STX18: variants seen among roughly 807,000 people sequenced by gnomAD.
STX18 encodes the protein syntaxin 18, also known as syntaxin-18.
A neutral mutation model predicts 50.1 loss-of-function variants in STX18; 40 were observed. The observed-to-expected ratio is 0.80, with a 90% CI of 0.62 to 1.04. The LOEUF is 1.04. Ranked by LOEUF, STX18 falls within the 50% of genes least tolerant of loss-of-function variation. The pLI, the probability that STX18 is intolerant of heterozygous loss-of-function variation, is 0.00. For synonymous variants in STX18, 158 were observed against 151.8 expected, an observed-to-expected ratio of 1.04 and a Z score of -0.30; for missense variants, 410 against 415.8, an observed-to-expected ratio of 0.99 and a Z score of 0.12.
rs766154196 is a variant in STX18, at chr4:4,420,964, T to C, written c.832-20A>G. On this transcript the variant is annotated intron_variant, in intron 9 of 10. Transcript: ENST00000306200. The surrounding 1 kb of genome is among the most constrained non-coding windows in gnomAD (Gnocchi z 4.3). ...AGCTTCCTGTGGAAGAAAAGATAAA[T>C]ACAAGTTGAGTATCCTTTATCCAAA... The C allele has an allele frequency of 5.0e-6, 8 of 1,612,354 alleles. No homozygotes were observed. Among genetic ancestry groups the C allele is most frequent in the South Asian group, 2.2e-5 (2 of 91,044 alleles).
chr4:4,459,673 A>C (rs1463070954), intron 2 of STX18, among the ~76,000 whole-genome samples, 186 bp from the exon 3 acceptor site: 1 of 152,176 alleles, frequency 6.6e-6, no homozygotes, highest in African/African-American at 2.4e-5. Flanking sequence ...AACACATATG[A>C]AGGGTGTGTG....
intron 5 of STX18, among the ~76,000 whole-genome samples, chr4:4,449,679 A>G (rs1199663480): frequency 6.6e-6 from 1 of 152,206 alleles, no homozygotes; most frequent in African/African-American, 2.4e-5. Flanking sequence ...GGTGACTGCT[A>G]GGCTTCCCCA....
chr4:4,509,120 T>C (rs1729875245), intron 1 of STX18, among the ~76,000 whole-genome samples: 1 of 152,176 alleles, frequency 6.6e-6, no homozygotes, highest in African/African-American at 2.4e-5. Context: ...CTGCCTCTAG[T>C]TATTTGAAGA....
intron 7 of STX18, among the ~76,000 whole-genome samples, chr4:4,429,961 A>C (rs1039386332): frequency 2.6e-5 from 4 of 152,232 alleles, no homozygotes; most frequent in Non-Finnish European, 5.9e-5. Flanking sequence ...ACATCAATAA[A>C]TGCAGGTGGT....
At chr4:4,483,777 C>T (rs1728567551) in intron 1 of STX18, among the ~76,000 whole-genome samples, 1 of 152,222 alleles carries the variant, frequency 6.6e-6, no homozygotes, top group South Asian at 2.1e-4. Context: ...TTCTTTCTTA[C>T]TCTGAATCGA....
At chr4:4,528,113 T>C (rs1232234388) in intron 1 of STX18, among the ~76,000 whole-genome samples, 5 of 152,120 alleles carry the variant, frequency 3.3e-5, no homozygotes, top group African/African-American at 9.7e-5. Context: ...ACCTGAGTCA[T>C]GGGCTGTGGA....
rs574751301 is a variant in STX18, at chr4:4,498,789, T to C, written c.169-27083A>G. Among the ~76,000 whole-genome samples the C allele has an allele frequency of 2.4e-4, 37 of 152,306 alleles. 1 individual carries two copies. The South Asian group carries it at 6.8e-3, about 28-fold the overall frequency. ...TAAGAAAAAGATCTAGGTTTTTTTA[T>C]TTGATAAAAAGAGAGAGAAAGATGT... On this transcript the variant is annotated intron_variant, in intron 1 of 10. Coordinates refer to ENST00000306200, the MANE Select transcript of STX18 (RefSeq NM_016930.4).
chr4:4,506,283 G>T (rs1729702840), intron 1 of STX18, among the ~76,000 whole-genome samples: 1 of 152,158 alleles, frequency 6.6e-6, no homozygotes, highest in South Asian at 2.1e-4. Flanking sequence ...TCAAAAACTA[G>T]ATACAACACA....
chr4:4,439,531 CACAT>C lies in STX18; in HGVS notation c.498-1026_498-1023del, dbSNP rs909433759. On this transcript the variant is annotated intron_variant, in intron 5 of 10. Transcript: ENST00000306200. ...CCACATATACATACACATATACTCC[CACAT>C]ACACACACAGAAACACACACATATA... 2.1e-5 allele frequency among the ~76,000 whole-genome samples: 3 copies of C among 143,380 alleles called. No homozygotes were observed. The Admixed American group carries it at 2.2e-4, about 10-fold the overall frequency. The allele number at this position is 143,380 out of a possible 152,430, so 94.1% of individuals were successfully genotyped here.
At chr4:4,521,495 A>G (rs1397250400) in intron 1 of STX18, among the ~76,000 whole-genome samples, 2 of 152,204 alleles carry the variant, frequency 1.3e-5, no homozygotes, top group South Asian at 2.1e-4. Flanking sequence ...AAGCTTTTAG[A>G]GCGGGGGAGG....
At chr4:4,509,545 G>C (rs545374537) in intron 1 of STX18, among the ~76,000 whole-genome samples, 2 of 152,006 alleles carry the variant, frequency 1.3e-5, no homozygotes, top group Admixed American at 1.3e-4. Flanking sequence ...ACTTGGAGTC[G>C]AAAGACCCTA....
intron 1 of STX18, among the ~76,000 whole-genome samples, chr4:4,498,610 G>C (rs1008552644): frequency 3.3e-5 from 5 of 152,184 alleles, no homozygotes; most frequent in Non-Finnish European, 1.5e-5. Context: ...AAGGAGAATA[G>C]TTTTGTGATA....
chr4:4,498,946 T>C lies in STX18; in HGVS notation c.169-27240A>G, dbSNP rs146021083. ...TGCAAGAAGACAAAGTTCACCTAGA[T>C]AGCATATACTAGCTCTAGAATTCCT... On this transcript the variant is annotated intron_variant, in intron 1 of 10. Transcript: ENST00000306200. Among the ~76,000 whole-genome samples the C allele has an allele frequency of 3.2e-3, 484 of 152,282 alleles. 4 individuals are homozygous for C. The highest frequency in any genetic ancestry group is 0.011 in the African/African-American group (454 of 41,574).
At chr4:4,453,390 G>A (rs1560171465) in intron 5 of STX18, among the ~76,000 whole-genome samples, 1 of 152,138 alleles carries the variant, frequency 6.6e-6, no homozygotes, top group East Asian at 1.9e-4. Flanking sequence ...CAACACTGAG[G>A]CAAGGCCCTC....
chr4:4,517,683 T>C (rs913951766), intron 1 of STX18, among the ~76,000 whole-genome samples: 1 of 152,198 alleles, frequency 6.6e-6, no homozygotes, highest in Admixed American at 6.5e-5. Context: ...AACCACTAAT[T>C]TCAAAAGAAG....
At position 4,459,427 on chromosome 4, in the gene STX18, A is replaced by G. The variant is rs368523497; in HGVS notation, c.297T>C (p.Asp99=). The G allele has an allele frequency of 6.2e-7, 1 of 1,614,172 alleles. No individual in the cohort carries two copies. The highest frequency in any genetic ancestry group is 8.5e-7 in the Non-Finnish European group (1 of 1,180,012). ...TDTERDQIDQ[D]AQIFMRTCSE... ...AACAGGTCCTCATGAATATCTGGGC[A>G]TCCTGGTCTATCTGGTCTCGTTCTG... The change falls in exon 3 of 11, where the codon GAT becomes GAC. Residue 99 remains aspartate, a synonymous_variant. Coordinates refer to ENST00000306200, the MANE Select transcript of STX18 (RefSeq NM_016930.4).
At chr4:4,433,250 T>C (rs776689634) in intron 7 of STX18, among the ~76,000 whole-genome samples, 21 of 152,238 alleles carry the variant, frequency 1.4e-4, no homozygotes, top group Non-Finnish European at 2.4e-4. Flanking sequence ...TAAGTATCCA[T>C]AATACTAGTA....
In STX18 at chr4:4,493,207, G is replaced by A. The variant is rs569696653; in HGVS notation, c.169-21501C>T. On this transcript the variant is annotated intron_variant, in intron 1 of 10. Transcript: ENST00000306200. ...TAGGTGTTTCTCTACACACATTTAG[G>A]CACCACTAAAAATGCTAAACATTAT... Among the ~76,000 whole-genome samples the A allele has an allele frequency of 9.8e-4, 149 of 152,196 alleles. 2 individuals are homozygous for A. Among genetic ancestry groups the A allele is most frequent in the Non-Finnish European group, 1.7e-3 (118 of 67,982 alleles).
intron 5 of STX18, among the ~76,000 whole-genome samples, chr4:4,448,609 T>C (rs1042435102): frequency 1.3e-5 from 2 of 152,250 alleles, no homozygotes; most frequent in African/African-American, 4.8e-5. Context: ...CCCAAAGTGC[T>C]GGGATTACAG....
Sources: allele counts gnomAD v4.1 joint callset (sites outside exome capture counted in the v4.1 genomes callset), GRCh38; gene constraint gnomAD v4.1.1; non-coding constraint Gnocchi (gnomAD v3.1); transcripts MANE v1.5; gene names NCBI Gene and HGNC (gene_info 2026-07-23, HGNC 2026-07-21).